Variants in SLC28A1 observed in about 807,000 individuals in gnomAD.
SLC28A1 encodes sodium/nucleoside cotransporter 1.
Under a neutral mutation model 74.8 loss-of-function variants are expected in SLC28A1, and 64 were observed. That is an observed-to-expected ratio of 0.86 (90% CI 0.70 to 1.05). The LOEUF is 1.05. Among genes scored for constraint, SLC28A1 ranks in the 50% least tolerant of loss-of-function variants. The pLI, the probability that SLC28A1 is intolerant of heterozygous loss-of-function variation, is 0.00. For synonymous variants in SLC28A1, 359 were observed against 335.0 expected, an observed-to-expected ratio of 1.07 and a Z score of -0.78; for missense variants, 828 against 822.8, an observed-to-expected ratio of 1.01 and a Z score of -0.08.
At chr15:84,889,559 G>A (rs577318591) in intron 4 of SLC28A1, among the ~76,000 whole-genome samples, 1 of 152,272 alleles carries the variant, frequency 6.6e-6, no homozygotes, top group East Asian at 1.9e-4. Context: ...GCATTGAGTG[G>A]GCGTCTACTC....
the SLC28A1 span, among the ~76,000 whole-genome samples, chr15:84,972,517 A>G: frequency 2.6e-5 from 4 of 152,240 alleles, no homozygotes; most frequent in Non-Finnish European, 5.9e-5. Context: ...AAGGGGCTAA[A>G]CAAATGTCAG....
chr15:84,937,810 T>C (rs1031260469), intron 15 of SLC28A1, among the ~76,000 whole-genome samples: 26 of 152,136 alleles, frequency 1.7e-4, no homozygotes, highest in African/African-American at 6.3e-4. Context: ...GGCACGAGAA[T>C]TTCTTGAACC....
chr15:84,955,399 T>TGGA, the SLC28A1 span, among the ~76,000 whole-genome samples: 1 of 152,196 alleles, frequency 6.6e-6, no homozygotes. Context: ...GTGAAGCATC[T>TGGA]GGAATACAAG....
chr15:84,924,257 C>A, intron 12 of SLC28A1, 147 bp downstream of exon 12: 1 of 1,004,370 alleles, frequency 1.0e-6, no homozygotes, highest in Non-Finnish European at 1.5e-6. Flanking sequence ...TCCCCTGAGC[C>A]CAGTGGGCTG....
the SLC28A1 span, among the ~76,000 whole-genome samples, chr15:84,973,421 TA>T: frequency 6.6e-6 from 1 of 152,206 alleles, no homozygotes; most frequent in Non-Finnish European, 1.5e-5. Flanking sequence ...CAACACCCAT[TA>T]ACTCTAGATT....
chr15:84,904,803 TG>T, intron 7 of SLC28A1, among the ~76,000 whole-genome samples: 1 of 75,196 alleles, frequency 1.3e-5, no homozygotes, highest in Non-Finnish European at 2.9e-5. Flanking sequence ...TACTAAATTC[TG>T]ATGTGTACTA....
At chr15:84,948,858 A>G (rs957012463), downstream of SLC28A1, among the ~76,000 whole-genome samples, 2 of 152,090 alleles carry the variant, frequency 1.3e-5, no homozygotes, top group African/African-American at 4.8e-5. Context: ...GGAGAGCTCC[A>G]CTTCTGAGAA....
intron 9 of SLC28A1, among the ~76,000 whole-genome samples, chr15:84,915,520 G>A (rs1257551990): frequency 6.6e-6 from 1 of 152,170 alleles, no homozygotes; most frequent in Non-Finnish European, 1.5e-5. Flanking sequence ...TCTTGCAAGG[G>A]CTGTCCATTC....
At chr15:84,909,221 T>C (rs1311246722) in intron 9 of SLC28A1, among the ~76,000 whole-genome samples, 3 of 151,918 alleles carry the variant, frequency 2.0e-5, no homozygotes, top group African/African-American at 7.3e-5. Flanking sequence ...TCTCAGGCGC[T>C]CCTCCTTCAG....
Position 84,907,897 on chromosome 15 carries a change from C to G in SLC28A1, c.718-821C>G, listed in dbSNP as rs1284153397. 1.3e-5 allele frequency among the ~76,000 whole-genome samples: 2 copies of G among 152,012 alleles called. 1 individual carries two copies. The highest frequency in any genetic ancestry group is 3.9e-4 in the East Asian group (2 of 5,192). ...AGAGAGTTTCTTTTCTGGTCATGTC[C>G]CCATTTTATAGATGGGAACACTGAG... On this transcript the variant is annotated intron_variant, in intron 8 of 18. Coordinates refer to ENST00000394573, the MANE Select transcript of SLC28A1 (RefSeq NM_004213.5).
chr15:84,908,442 C>A (rs1172922836), intron 8 of SLC28A1, among the ~76,000 whole-genome samples: 1 of 152,100 alleles, frequency 6.6e-6, no homozygotes, highest in Non-Finnish European at 1.5e-5. Context: ...CCTCAGCCTC[C>A]CAAAGTGCTG....
chr15:84,961,459 G>A, the SLC28A1 span: 3 of 451,718 alleles, frequency 6.6e-6, no homozygotes, highest in South Asian at 4.7e-5. Flanking sequence ...AGTCTCCCAA[G>A]CAGCTGGGAC....
chr15:84,912,816 A>AGTG (rs1968522557), intron 9 of SLC28A1, among the ~76,000 whole-genome samples: 4 of 127,764 alleles, frequency 3.1e-5, no homozygotes, highest in Non-Finnish European at 5.4e-5. Flanking sequence ...GCACACACAC[A>AGTG]CACACACACA....
chr15:84,925,461 G>A (rs1366609307), intron 12 of SLC28A1, among the ~76,000 whole-genome samples: 24 of 152,124 alleles, frequency 1.6e-4, no homozygotes, highest in Non-Finnish European at 2.9e-5. Flanking sequence ...ATAGCTGGCC[G>A]TGGTGGTGGG....
intron 8 of SLC28A1, 120 bp downstream of exon 8, chr15:84,905,772 T>G (rs1596259085): frequency 2.5e-6 from 2 of 787,080 alleles, no homozygotes; most frequent in African/African-American, 1.7e-5. Flanking sequence ...ACCTGGAGGG[T>G]GGGGTGGACT....
chr15:84,887,901 T>C lies in SLC28A1; in HGVS notation c.96+45T>C, dbSNP rs779637594. ...AGTCATCCTGACCCCTCAGCCTCTT[T>C]GGCTTGAGCCCGGCTGCCGAGGTGA... is the stretch of plus-strand genomic sequence containing the variant. On this transcript the variant is annotated intron_variant, in intron 3 of 18. Coordinates refer to ENST00000394573, the MANE Select transcript of SLC28A1 (RefSeq NM_004213.5). 3.3e-5 allele frequency: 47 copies of C among 1,443,566 alleles called. No individual in the cohort carries two copies. The South Asian group carries it at 5.4e-4, about 16-fold the overall frequency. The allele number at this position is 1,443,566 out of a possible 1,614,324, so 89.4% of individuals were successfully genotyped here.
chr15:84,914,111 G>A (rs1968737017), intron 9 of SLC28A1, among the ~76,000 whole-genome samples: 1 of 152,130 alleles, frequency 6.6e-6, no homozygotes, highest in South Asian at 2.1e-4. Context: ...ACCATGCCCA[G>A]CTAATTTTTT....
At position 84,890,449 on chromosome 15, in the gene SLC28A1, C is replaced by T. The variant is rs749496825; in HGVS notation, c.192C>T (p.Asn64=). The change falls in exon 5 of 19, where the codon AAC becomes AAT. Residue 64 remains asparagine (N), a synonymous_variant. Coordinates refer to ENST00000394573, the MANE Select transcript of SLC28A1 (RefSeq NM_004213.5). ...AAPKPFSRWR[N]LQPALRARSF... Reference sequence around the variant, plus strand: ...CTGCTGGTCTTGTTCCCAGGAGGAACCTGCAGCCAGCCCTGAGAGCCAGAA... The same window carrying T: ...CTGCTGGTCTTGTTCCCAGGAGGAATCTGCAGCCAGCCCTGAGAGCCAGAA... 3.1e-6 allele frequency: 5 copies of T among 1,608,256 alleles called. No individual in the cohort carries two copies. The South Asian group carries it at 5.5e-5, about 18-fold the overall frequency.
chr15:84,911,272 T>G (rs1318552281), intron 9 of SLC28A1, among the ~76,000 whole-genome samples: 1 of 152,170 alleles, frequency 6.6e-6, no homozygotes, highest in Non-Finnish European at 1.5e-5. Context: ...TGCTTGCATC[T>G]CTCCCTGAAT....
Sources: gnomAD v4.1 joint callset for allele counts (sites outside exome capture counted in the v4.1 genomes callset) on GRCh38, gnomAD v4.1.1 for gene constraint, MANE v1.5 for transcripts, NCBI Gene and HGNC (gene_info 2026-07-23, HGNC 2026-07-21) for gene names.